ZNF385B: variants seen among roughly 807,000 people sequenced by gnomAD.
ZNF385B encodes zinc finger protein 533.
ZNF385B carries 23 observed loss-of-function variants against 39.2 expected under a neutral mutation model. That is an observed-to-expected ratio of 0.59 (90% CI 0.42 to 0.83). The LOEUF (loss-of-function observed/expected upper bound fraction) is 0.83, where lower values mean the gene tolerates loss of function less well. Ranked by LOEUF, ZNF385B falls within the 40% of genes least tolerant of loss-of-function variation. The pLI is 0.00. For synonymous variants in ZNF385B, 205 were observed against 222.6 expected (o/e 0.92, Z 0.70); for missense variants, 552 against 598.9 (o/e 0.92, Z 0.82).
chr2:179,662,835 T>A (rs1694654600), intron 3 of ZNF385B, among the ~76,000 whole-genome samples: 1 of 152,200 alleles, frequency 6.6e-6, no homozygotes, highest in Non-Finnish European at 1.5e-5. Flanking sequence ...TTTTCTAGTT[T>A]TTATGATGCA....
intron 3 of ZNF385B, among the ~76,000 whole-genome samples, chr2:179,559,550 T>A (rs2061185309): frequency 6.6e-6 from 1 of 152,206 alleles, no homozygotes; most frequent in Non-Finnish European, 1.5e-5. Flanking sequence ...ACTATTATAC[T>A]GACCTTGTAC....
chr2:179,759,598 C>T (rs1008347200), intron 3 of ZNF385B, among the ~76,000 whole-genome samples: 3 of 152,096 alleles, frequency 2.0e-5, no homozygotes, highest in Admixed American at 1.3e-4. Flanking sequence ...ATTGCCTATA[C>T]CTGGAATGTT....
chr2:179,578,889 T>C (rs772101543), intron 3 of ZNF385B, among the ~76,000 whole-genome samples: 7 of 152,164 alleles, frequency 4.6e-5, no homozygotes, highest in Non-Finnish European at 8.8e-5. Context: ...CTATGAAATC[T>C]GAACATTCTC....
intron 3 of ZNF385B, among the ~76,000 whole-genome samples, chr2:179,571,772 T>A (rs921277806): frequency 1.3e-5 from 2 of 151,974 alleles, no homozygotes; most frequent in African/African-American, 4.8e-5. Context: ...CTAGAACAAA[T>A]CCAGATCATC....
At chr2:179,842,629 CA>C (rs1708595606) in intron 1 of ZNF385B, among the ~76,000 whole-genome samples, 1 of 152,024 alleles carries the variant, frequency 6.6e-6, no homozygotes, top group Admixed American at 6.6e-5. Flanking sequence ...TATGTTCCTA[CA>C]AAATGTCACT....
chr2:179,818,341 T>G (rs1707199320), intron 1 of ZNF385B, among the ~76,000 whole-genome samples: 2 of 152,200 alleles, frequency 1.3e-5, no homozygotes, highest in South Asian at 4.1e-4. Context: ...CAGCAGGGCA[T>G]GGAGGATTCA....
chr2:179,575,341 A>T (rs1437462989), intron 3 of ZNF385B, among the ~76,000 whole-genome samples: 1 of 152,194 alleles, frequency 6.6e-6, no homozygotes, highest in East Asian at 1.9e-4. Context: ...AATCTTCACT[A>T]TACCAGAATT....
At chr2:179,655,162 T>C (rs1693613073) in intron 3 of ZNF385B, among the ~76,000 whole-genome samples, 1 of 152,192 alleles carries the variant, frequency 6.6e-6, no homozygotes, top group Non-Finnish European at 1.5e-5. Context: ...GTTGCCTACA[T>C]ACAGTATTCT....
chr2:179,701,264 T>C (rs778201816), intron 3 of ZNF385B, among the ~76,000 whole-genome samples: 23 of 152,168 alleles, frequency 1.5e-4, no homozygotes, highest in Admixed American at 3.9e-4. Flanking sequence ...CCACTAAAAA[T>C]AGCCAGGGTA....
chr2:179,653,193 C>T (rs1209149410), intron 3 of ZNF385B, among the ~76,000 whole-genome samples: 1 of 152,106 alleles, frequency 6.6e-6, no homozygotes, highest in African/African-American at 2.4e-5. Context: ...TGTCATAGAA[C>T]ATCAGGAGAC....
chr2:179,518,728 A>G (rs1380232045), intron 4 of ZNF385B, 90 bp from the exon 5 acceptor site: 1 of 724,486 alleles, frequency 1.4e-6, no homozygotes, highest in East Asian at 2.9e-5. Flanking sequence ...TATTCCATAA[A>G]GTTTAAACTT....
chr2:179,514,408 T>TA (rs1284958739), intron 5 of ZNF385B, among the ~76,000 whole-genome samples: 1 of 152,230 alleles, frequency 6.6e-6, no homozygotes, highest in Non-Finnish European at 1.5e-5. Flanking sequence ...TTAGCTCCCT[T>TA]AATTCCATCT....
At chr2:179,533,852 A>G (rs1335601376) in intron 4 of ZNF385B, among the ~76,000 whole-genome samples, 2 of 152,194 alleles carry the variant, frequency 1.3e-5, no homozygotes, top group African/African-American at 2.4e-5. Context: ...AGCAAGAAAC[A>G]TTATGTCTTA....
intron 3 of ZNF385B, among the ~76,000 whole-genome samples, chr2:179,747,887 A>G (rs1702472809): frequency 6.6e-6 from 1 of 152,130 alleles, no homozygotes; most frequent in South Asian, 2.1e-4. Context: ...ACCTGTGCAT[A>G]TTCATACTCA....
chr2:179,695,398 G>C (rs1194450457), intron 3 of ZNF385B, among the ~76,000 whole-genome samples: 1 of 151,922 alleles, frequency 6.6e-6, no homozygotes, highest in African/African-American at 2.4e-5. Flanking sequence ...AAAGTGAAAA[G>C]ACAACTCACA....
At chr2:179,848,989 T>C (rs1708943196) in intron 1 of ZNF385B, among the ~76,000 whole-genome samples, 1 of 152,234 alleles carries the variant, frequency 6.6e-6, no homozygotes, top group African/African-American at 2.4e-5. Flanking sequence ...CATTATCTCA[T>C]TGAGTCTTTG....
At chr2:179,605,563 GAATAGCAGCAGGTCCC>G in intron 3 of ZNF385B, among the ~76,000 whole-genome samples, 1 of 152,216 alleles carries the variant, frequency 6.6e-6, no homozygotes, top group South Asian at 2.1e-4. Flanking sequence ...TTAACAAATA[GAATAGCAGCAGGTCCC>G]AATGGCTATA....
At chr2:179,499,816 A>C (rs1284420669) in intron 5 of ZNF385B, among the ~76,000 whole-genome samples, 1 of 152,066 alleles carries the variant, frequency 6.6e-6, no homozygotes, top group African/African-American at 2.4e-5. Flanking sequence ...AAGGATATAA[A>C]GGACCTCCAA....
intron 3 of ZNF385B, among the ~76,000 whole-genome samples, chr2:179,590,032 G>A (rs1687419394): frequency 6.6e-6 from 1 of 152,144 alleles, no homozygotes; most frequent in Admixed American, 6.5e-5. Flanking sequence ...AAAAGGCCTG[G>A]GTTAACATCT....
Sources: allele counts gnomAD v4.1 joint callset (sites outside exome capture counted in the v4.1 genomes callset), GRCh38; gene constraint gnomAD v4.1.1; transcripts MANE v1.5; gene names NCBI Gene and HGNC (gene_info 2026-07-23, HGNC 2026-07-21).